Variants in DCPS observed in about 807,000 individuals in gnomAD.
DCPS encodes m7GpppX diphosphatase.
Under a neutral mutation model 34.7 loss-of-function variants are expected in DCPS, and 27 were observed. The observed-to-expected ratio is 0.78, with a 90% CI of 0.57 to 1.07. The LOEUF (loss-of-function observed/expected upper bound fraction) is 1.07, where lower values mean the gene tolerates loss of function less well. Ranked by LOEUF, DCPS falls within the 50% of genes least tolerant of loss-of-function variation. The pLI, the probability that DCPS is intolerant of heterozygous loss-of-function variation, is 0.00. For synonymous variants in DCPS, 185 were observed against 185.7 expected, an observed-to-expected ratio of 1.00 and a Z score of 0.03; for missense variants, 464 against 436.9, an observed-to-expected ratio of 1.06 and a Z score of -0.55.
chr11:126,318,420 C>T (rs1951679226), intron 2 of DCPS, among the ~76,000 whole-genome samples: 1 of 152,230 alleles, frequency 6.6e-6, no homozygotes, highest in Admixed American at 6.5e-5. Context: ...CTTCCCTCCA[C>T]CCTCTGGCCT....
intron 1 of DCPS, 28 bp from the exon 2 acceptor site, chr11:126,306,542 A>G (rs1951567553): frequency 1.9e-6 from 3 of 1,574,710 alleles, no homozygotes; most frequent in Non-Finnish European, 2.6e-6. Context: ...TCTGCCCTTG[A>G]GCCCACTGAT....
At chr11:126,340,181 C>T (rs1038020853) in intron 4 of DCPS, among the ~76,000 whole-genome samples, 2 of 152,200 alleles carry the variant, frequency 1.3e-5, no homozygotes. Context: ...CCCTTTAAGA[C>T]AGGAAAGACT....
chr11:126,321,093 A>C (rs1028672304), intron 2 of DCPS, among the ~76,000 whole-genome samples: 3 of 152,058 alleles, frequency 2.0e-5, no homozygotes, highest in Non-Finnish European at 4.4e-5. Context: ...TGTCTCTACA[A>C]AAAATACAAA....
At chr11:126,343,236 G>A in intron 4 of DCPS, 71 bp from the exon 5 acceptor site, 1 of 1,324,788 alleles carries the variant, frequency 7.5e-7, no homozygotes, top group Non-Finnish European at 1.1e-6. Context: ...GCTTACGTGA[G>A]AACTCCAGGG....
At position 126,315,468 on chromosome 11, in the gene DCPS, G is replaced by A. The variant is rs1011314781; in HGVS notation, c.376+8724G>A. ...CCAGCTACTCAGGAGGCTGAAGTTG[G>A]AGGATTGCTTGAGCTCAGGAGGTCA... On this transcript the variant is annotated intron_variant, in intron 2 of 5. Coordinates refer to ENST00000263579, the MANE Select transcript of DCPS (RefSeq NM_014026.6). The surrounding 1 kb of genome is among the most constrained non-coding windows in gnomAD (Gnocchi z 6.1). 4.6e-5 allele frequency among the ~76,000 whole-genome samples: 7 copies of A among 151,944 alleles called. No homozygotes were observed. Among genetic ancestry groups the A allele is most frequent in the African/African-American group, 1.7e-4 (7 of 41,286 alleles).
At chr11:126,307,929 G>C (rs1951586695) in intron 2 of DCPS, among the ~76,000 whole-genome samples, 2 of 152,138 alleles carry the variant, frequency 1.3e-5, no homozygotes, top group African/African-American at 4.8e-5. Context: ...TCAGTAGACT[G>C]GGGTCTTGCT....
chr11:126,330,720 T>TATATATATATA (rs61132101), intron 2 of DCPS, among the ~76,000 whole-genome samples: 19 of 19,546 alleles, frequency 9.7e-4, no homozygotes, highest in Admixed American at 2.4e-3. Context: ...TATATATATA[T>TATATATATATA]TTTTTTTTTT....
rs1038723074 is a variant in DCPS, at chr11:126,347,194, C to CCTCCA, written c.*1585_*1589dup. ...AGATGAGGCACAATGAAGCCACTGG[C>CCTCCA]CTCCACTCAGCCATTCTTCCCTGCA... On this transcript the variant is annotated 3_prime_UTR_variant, in exon 6 of 6. Transcript: ENST00000263579. This position sits in a 1 kb window ranked among gnomAD's most constrained non-coding sequence, Gnocchi z 4.2. Among the ~76,000 whole-genome samples the CCTCCA allele has an allele frequency of 1.3e-5, 2 of 150,808 alleles. No homozygotes were observed. The highest frequency in any genetic ancestry group is 4.9e-5 in the African/African-American group (2 of 41,062).
intron 2 of DCPS, among the ~76,000 whole-genome samples, chr11:126,316,397 T>G (rs1951658940): frequency 6.6e-6 from 1 of 151,954 alleles, no homozygotes; most frequent in South Asian, 2.1e-4. Context: ...CCAAGACAGT[T>G]CTTCTTCCAG....
rs117295225 is a variant in DCPS, at chr11:126,321,149, G to C, written c.377-10256G>C. On this transcript the variant is annotated intron_variant, in intron 2 of 5. Transcript: ENST00000263579. Reference sequence around the variant, plus strand: ...GCATGCCTGTCATCCCAGCTACTCAGTAGGCTCAGGCAAGGGGATCACTTG... The same window carrying C: ...GCATGCCTGTCATCCCAGCTACTCACTAGGCTCAGGCAAGGGGATCACTTG... 7.1e-3 allele frequency among the ~76,000 whole-genome samples: 1,078 copies of C among 151,796 alleles called. 32 individuals are homozygous for C. Among genetic ancestry groups the C allele is most frequent in the East Asian group, 0.053 (271 of 5,138 alleles).
rs111703586 is a variant in DCPS at position 126,347,110 on chromosome 11, G to C, written c.*1497G>C. ...AAAAATTAAAAAAATAGAAACAGCC[G>C]GGGAGTGGAGGGTGTGGTCAGAAAG... On this transcript the variant is annotated 3_prime_UTR_variant, in exon 6 of 6. Transcript: ENST00000263579. The surrounding 1 kb of genome is among the most constrained non-coding windows in gnomAD (Gnocchi z 4.2). Among the ~76,000 whole-genome samples, 1 of 151,792 alleles carries C rather than the reference G, an allele frequency of 6.6e-6. No individual in the cohort carries two copies. The highest frequency in any genetic ancestry group is 1.5e-5 in the Non-Finnish European group (1 of 67,972).
intron 4 of DCPS, chr11:126,341,205 G>C (rs1565380232): frequency 6.6e-6 from 1 of 152,182 alleles, no homozygotes; most frequent in South Asian, 2.1e-4. Context: ...GCTCTCCAAC[G>C]CTCCAGCAAT....
In DCPS at chr11:126,333,818, T is replaced by A. The variant is rs240552; in HGVS notation, c.522+2268T>A. ...TTCATAAATACCGAGCACAGAGCACTATTCCATATCTGCTGAATCTCACGC... is the reference window on the plus strand; with the variant it reads ...TTCATAAATACCGAGCACAGAGCACAATTCCATATCTGCTGAATCTCACGC... On this transcript the variant is annotated intron_variant, in intron 3 of 5. Transcript: ENST00000263579. This position sits in a 1 kb window ranked among gnomAD's most constrained non-coding sequence, Gnocchi z 5.7. Among the ~76,000 whole-genome samples the A allele has an allele frequency of 0.24, 37,231 of 152,014 alleles. 4,598 individuals carry two copies. Among genetic ancestry groups the A allele is most frequent in the Admixed American group, 0.26 (4,036 of 15,282 alleles).
rs1811243378 is a variant in DCPS at position 126,334,871 on chromosome 11, C to T, written c.522+3321C>T. Among the ~76,000 whole-genome samples the T allele has an allele frequency of 6.6e-6, 1 of 152,242 alleles. No individual in the cohort carries two copies. Among genetic ancestry groups the T allele is most frequent in the South Asian group, 2.1e-4 (1 of 4,834 alleles). The stretch of plus-strand genomic sequence containing the variant: ...GAGTCATCCAGCTAGACTTCAACCT[C>T]AGCCTGGTGTTTGGATTCTCAGTCT... On this transcript the variant is annotated intron_variant, in intron 3 of 5. Transcript: ENST00000263579. The surrounding 1 kb of genome is among the most constrained non-coding windows in gnomAD (Gnocchi z 5.5).
chr11:126,322,556 G>C lies in DCPS; in HGVS notation c.377-8849G>C, dbSNP rs528085037. 3.6e-4 allele frequency among the ~76,000 whole-genome samples: 54 copies of C among 151,384 alleles called. No homozygotes were observed. The highest frequency in any genetic ancestry group is 1.3e-3 in the African/African-American group (52 of 41,354). On this transcript the variant is annotated intron_variant, in intron 2 of 5. Coordinates refer to ENST00000263579, the MANE Select transcript of DCPS (RefSeq NM_014026.6). The surrounding 1 kb of genome is among the most constrained non-coding windows in gnomAD (Gnocchi z 4.2). Reference sequence around the variant, plus strand: ...TGGGATTACAGGTGTTAGCCACTATGCCCAGCCAGCATTCAGATTTTCTTT... The same window carrying C: ...TGGGATTACAGGTGTTAGCCACTATCCCCAGCCAGCATTCAGATTTTCTTT...
intron 2 of DCPS, among the ~76,000 whole-genome samples, chr11:126,310,083 T>C (rs1293663382): frequency 6.6e-6 from 1 of 152,212 alleles, no homozygotes; most frequent in Non-Finnish European, 1.5e-5. Flanking sequence ...CCTGGGAGTC[T>C]GGTAAAACAG....
Position 126,328,382 on chromosome 11 carries a change from G to A in DCPS, c.377-3023G>A, listed in dbSNP as rs1951756102. On this transcript the variant is annotated intron_variant, in intron 2 of 5. Coordinates refer to ENST00000263579, the MANE Select transcript of DCPS (RefSeq NM_014026.6). This position sits in a 1 kb window ranked among gnomAD's most constrained non-coding sequence, Gnocchi z 6.6. ...AGGAGTGAGTGCTCTAGGGGGACGTGGGGAGCTCTGAGAGTCCTGCAGTCA... is the reference window on the plus strand; with the variant it reads ...AGGAGTGAGTGCTCTAGGGGGACGTAGGGAGCTCTGAGAGTCCTGCAGTCA... Among the ~76,000 whole-genome samples, 1 of 152,172 alleles carries A rather than the reference G, an allele frequency of 6.6e-6. No homozygotes were observed. Among genetic ancestry groups the A allele is most frequent in the African/African-American group, 2.4e-5 (1 of 41,438 alleles).
At position 126,347,795 on chromosome 11, in the gene DCPS, G is replaced by C. The variant is rs1008373430; in HGVS notation, c.*2182G>C. On this transcript the variant is annotated 3_prime_UTR_variant, in exon 6 of 6. Coordinates refer to ENST00000263579, the MANE Select transcript of DCPS (RefSeq NM_014026.6). This position sits in a 1 kb window ranked among gnomAD's most constrained non-coding sequence, Gnocchi z 4.2. Reference sequence around the variant, plus strand: ...GGAATGCTCCCTGCGTCTCAGTTGTGCCCATTCCAGGTCCAGGGGAAAGAA... The same window carrying C: ...GGAATGCTCCCTGCGTCTCAGTTGTCCCCATTCCAGGTCCAGGGGAAAGAA... Among the ~76,000 whole-genome samples, 3 of 152,180 alleles carry C rather than the reference G, an allele frequency of 2.0e-5. No individual in the cohort carries two copies. Among genetic ancestry groups the C allele is most frequent in the Admixed American group, 6.5e-5 (1 of 15,270 alleles).
intron 1 of DCPS, among the ~76,000 whole-genome samples, chr11:126,304,975 G>C (rs1951551602): frequency 6.6e-6 from 1 of 152,224 alleles, no homozygotes; most frequent in Admixed American, 6.5e-5. Flanking sequence ...CCAGAAACTA[G>C]TGAGGAGGCC....
Sources: allele counts gnomAD v4.1 joint callset (sites outside exome capture counted in the v4.1 genomes callset), GRCh38; gene constraint gnomAD v4.1.1; non-coding constraint Gnocchi (gnomAD v3.1); transcripts MANE v1.5; gene names NCBI Gene and HGNC (gene_info 2026-07-23, HGNC 2026-07-21).